Variants in EXT1 observed in about 807,000 individuals in gnomAD.
The protein encoded by EXT1 is exostosin glycosyltransferase 1.
In EXT1, 20 loss-of-function variants were observed where a neutral mutation model predicts 82.5. The observed-to-expected ratio is 0.24, with a 90% confidence interval of 0.17 to 0.35. The LOEUF is 0.35. Ranked by LOEUF, EXT1 falls within the 10% of genes least tolerant of loss-of-function variation. EXT1 has a pLI of 1.00. For missense variants in EXT1, 757 were observed against 936.5 expected (o/e 0.81, Z 2.50); for synonymous variants, 348 against 350.8 (o/e 0.99, Z 0.09).
At chr8:117,920,199 G>A (rs1283312626) in intron 1 of EXT1, among the ~76,000 whole-genome samples, 1 of 152,072 alleles carries the variant, frequency 6.6e-6, no homozygotes, top group East Asian at 1.9e-4. Context: ...CCACCTCCCA[G>A]GTTCAGGCGA....
At chr8:117,833,989 A>C (rs539278787) in intron 3 of EXT1, among the ~76,000 whole-genome samples, 1 of 152,328 alleles carries the variant, frequency 6.6e-6, no homozygotes, top group Admixed American at 6.5e-5. Flanking sequence ...TCATTGGCAT[A>C]AAAGTGGCCC....
intron 1 of EXT1, among the ~76,000 whole-genome samples, chr8:117,975,483 A>T (rs1176279510): frequency 6.6e-6 from 1 of 151,514 alleles, no homozygotes; most frequent in Non-Finnish European, 1.5e-5. Context: ...CCTCACCCTC[A>T]CTCTATCTCC....
At chr8:117,875,599 T>C (rs951014048) in intron 1 of EXT1, among the ~76,000 whole-genome samples, 9 of 152,116 alleles carry the variant, frequency 5.9e-5, no homozygotes, top group African/African-American at 2.2e-4. Context: ...TTTTAGGCAA[T>C]CCTCCCAATG....
intron 1 of EXT1, among the ~76,000 whole-genome samples, chr8:117,966,571 T>C (rs1814815328): frequency 6.6e-6 from 1 of 152,216 alleles, no homozygotes; most frequent in South Asian, 2.1e-4. Flanking sequence ...AAGCCAGGCT[T>C]TTGACTACTC....
intron 1 of EXT1, among the ~76,000 whole-genome samples, chr8:117,841,071 T>C (rs1812267492): frequency 6.6e-6 from 1 of 152,246 alleles, no homozygotes; most frequent in Admixed American, 6.5e-5. Flanking sequence ...CTTGGGCATG[T>C]ATCCCAGAGA....
intron 1 of EXT1, among the ~76,000 whole-genome samples, chr8:118,091,546 G>A (rs1329629934): frequency 1.3e-5 from 2 of 152,002 alleles, no homozygotes; most frequent in African/African-American, 4.8e-5. Context: ...AGACCATCCT[G>A]GCTAACACAG....
intron 1 of EXT1, among the ~76,000 whole-genome samples, chr8:118,027,841 TC>T (rs1278906304): frequency 6.6e-6 from 1 of 152,120 alleles, no homozygotes; most frequent in Non-Finnish European, 1.5e-5. Context: ...GCTCCCCAGT[TC>T]CCTTCCTGGT....
At chr8:117,933,947 G>A (rs17475883) in intron 1 of EXT1, among the ~76,000 whole-genome samples, 3 of 152,020 alleles carry the variant, frequency 2.0e-5, no homozygotes, top group Admixed American at 2.0e-4. Context: ...CAGAGCAATG[G>A]ATCCCCCTCT....
intron 1 of EXT1, among the ~76,000 whole-genome samples, chr8:118,020,904 G>T (rs942744078): frequency 3.9e-5 from 6 of 152,102 alleles, no homozygotes; most frequent in African/African-American, 1.4e-4. Flanking sequence ...AAAGTACTTC[G>T]CAAATTCTTC....
At chr8:117,891,026 C>T (rs1813232911) in intron 1 of EXT1, among the ~76,000 whole-genome samples, 1 of 152,186 alleles carries the variant, frequency 6.6e-6, no homozygotes, top group African/African-American at 2.4e-5. Flanking sequence ...CTTCTGTTCC[C>T]ACAGACTCTA....
intron 1 of EXT1, among the ~76,000 whole-genome samples, chr8:117,864,289 C>A (rs1812735215): frequency 6.6e-6 from 1 of 152,210 alleles, no homozygotes; most frequent in Non-Finnish European, 1.5e-5. Context: ...TTGACCTTAT[C>A]CAGTGATTTA....
intron 1 of EXT1, among the ~76,000 whole-genome samples, chr8:117,933,762 A>G (rs1294201728): frequency 6.6e-6 from 1 of 152,206 alleles, no homozygotes; most frequent in African/African-American, 2.4e-5. Flanking sequence ...GGGGCACAGA[A>G]AGATGATACA....
intron 1 of EXT1, among the ~76,000 whole-genome samples, chr8:118,011,829 TC>T (rs1330790088): frequency 6.6e-6 from 1 of 152,206 alleles, no homozygotes; most frequent in Non-Finnish European, 1.5e-5. Flanking sequence ...ATCTTTGATC[TC>T]ACTACTTCAA....
rs1167889790 is a variant in EXT1 at position 117,794,690 on chromosome 8, G to C, written c.*5022C>G. 1 of 152,052 alleles carries C rather than the reference G, an allele frequency of 6.6e-6. No individual in the cohort carries two copies. The highest frequency in any genetic ancestry group is 6.6e-5 in the Admixed American group (1 of 15,260). 9.4% of individuals were successfully genotyped at this position (152,052 alleles called of 1,614,324 possible). A position where few individuals can be genotyped will look rare whatever the true frequency, so the allele number is the denominator to read the frequency against. On this transcript the variant is annotated 3_prime_UTR_variant, in exon 11 of 11. Coordinates refer to ENST00000378204, the MANE Select transcript of EXT1 (RefSeq NM_000127.3). Reference sequence around the variant, plus strand: ...CGCGCTCTCTCACACATACTTGAGGGCTTAATTACGCTAAGTCATTAATAC... The same window carrying C: ...CGCGCTCTCTCACACATACTTGAGGCCTTAATTACGCTAAGTCATTAATAC...
At chr8:117,973,231 A>G (rs747588528) in intron 1 of EXT1, among the ~76,000 whole-genome samples, 2 of 152,180 alleles carry the variant, frequency 1.3e-5, no homozygotes, top group Admixed American at 6.5e-5. Flanking sequence ...AGCACGTGAT[A>G]CAAGACAAAA....
chr8:117,901,096 C>T (rs771449147), intron 1 of EXT1, among the ~76,000 whole-genome samples: 25 of 152,112 alleles, frequency 1.6e-4, no homozygotes, highest in Admixed American at 2.6e-4. Flanking sequence ...TTCCAGGGAC[C>T]AGAGCACTCT....
rs1182180428 is a variant in EXT1 at position 117,968,553 on chromosome 8, ATTTTTTTT to A, written c.963-131360_963-131353del. Among the ~76,000 whole-genome samples, 4 of 9,296 alleles carry A rather than the reference ATTTTTTTT, an allele frequency of 4.3e-4. 2 individuals carry two copies. The African/African-American group carries it at 6.6e-3, about 15-fold the overall frequency. The allele number at this position is 9,296 out of a possible 152,430, so 6.1% of individuals were successfully genotyped here. On this transcript the variant is annotated intron_variant, in intron 1 of 10. Transcript: ENST00000378204. The stretch of plus-strand genomic sequence containing the variant: ...TATTTATTTATTTATTTATTTATTT[ATTTTTTTT>A]TTTTTTTTTTTTTTTTTTTTTTTTT...
chr8:117,865,656 C>A (rs1812764001), intron 1 of EXT1, among the ~76,000 whole-genome samples: 1 of 152,160 alleles, frequency 6.6e-6, no homozygotes, highest in Non-Finnish European at 1.5e-5. Flanking sequence ...TTCTGACTGT[C>A]AAGACTCATA....
At chr8:118,067,263 C>T (rs1563645672) in intron 1 of EXT1, among the ~76,000 whole-genome samples, 1 of 152,228 alleles carries the variant, frequency 6.6e-6, no homozygotes, top group African/African-American at 2.4e-5. Flanking sequence ...GAGACGTCTT[C>T]CTCCTGGAGT....
Sources: allele counts gnomAD v4.1 joint callset (sites outside exome capture counted in the v4.1 genomes callset), GRCh38; gene constraint gnomAD v4.1.1; transcripts MANE v1.5; gene names NCBI Gene and HGNC (gene_info 2026-07-23, HGNC 2026-07-21).